Variants in SH3D19 observed in about 807,000 individuals in gnomAD.
SH3D19 encodes SH3 domain-containing protein 19.
A neutral mutation model predicts 112.1 loss-of-function variants in SH3D19; 58 were observed. That is an observed-to-expected ratio of 0.52 (90% CI 0.42 to 0.64). The LOEUF (loss-of-function observed/expected upper bound fraction) is 0.64, where lower values mean the gene tolerates loss of function less well. SH3D19 is among the 30% of genes least tolerant of loss of function. The pLI, the probability that SH3D19 is intolerant of heterozygous loss-of-function variation, is 0.00. For missense variants in SH3D19, 1,090 were observed against 1,263.4 expected, an observed-to-expected ratio of 0.86 and a Z score of 2.08; for synonymous variants, 391 against 448.5, an observed-to-expected ratio of 0.87 and a Z score of 1.62.
intron 7 of SH3D19, among the ~76,000 whole-genome samples, chr4:151,173,578 C>T (rs1416636696): frequency 1.3e-5 from 2 of 152,168 alleles, no homozygotes; most frequent in African/African-American, 4.8e-5. Flanking sequence ...ACTGCAGAAG[C>T]TTAATATATT....
At chr4:151,214,994 G>A (rs1766813034) in intron 2 of SH3D19, among the ~76,000 whole-genome samples, 1 of 147,372 alleles carries the variant, frequency 6.8e-6, no homozygotes, top group Non-Finnish European at 1.5e-5. Context: ...TCCCAGACGG[G>A]GTCGCGACCG....
At chr4:151,130,896 C>T (rs1031264276) in intron 17 of SH3D19, among the ~76,000 whole-genome samples, 34 of 151,312 alleles carry the variant, frequency 2.2e-4, no homozygotes, top group South Asian at 4.2e-4. Context: ...GCCAAGACTG[C>T]GCCACTGCAC....
At chr4:151,274,403 C>T (rs1292061807) in intron 1 of SH3D19, among the ~76,000 whole-genome samples, 2 of 152,226 alleles carry the variant, frequency 1.3e-5, no homozygotes, top group African/African-American at 4.8e-5. Context: ...TTCTCACCTT[C>T]CCATATGAGG....
Position 151,121,961 on chromosome 4 carries a change from A to G in SH3D19, c.*130T>C, listed in dbSNP as rs1748030935. The stretch of plus-strand genomic sequence containing the variant: ...TCTGAACGTTTTCTGCTTTCAGAAA[A>G]TTCTAGTGTACCATGTACAGCTTAG... On this transcript the variant is annotated 3_prime_UTR_variant, in exon 20 of 20. Transcript: ENST00000604030. 1.8e-6 allele frequency: 1 copy of G among 557,640 alleles called. No homozygotes were observed. Among genetic ancestry groups the G allele is most frequent in the African/African-American group, 1.9e-5 (1 of 52,344 alleles). 34.5% of individuals were successfully genotyped at this position (557,640 alleles called of 1,614,324 possible).
At chr4:151,126,886 A>G (rs1428978739) in intron 19 of SH3D19, among the ~76,000 whole-genome samples, 2 of 151,808 alleles carry the variant, frequency 1.3e-5, no homozygotes, top group East Asian at 3.9e-4. Context: ...AAAAAAAAAA[A>G]AAAACCTTTG....
intron 13 of SH3D19, among the ~76,000 whole-genome samples, chr4:151,139,461 C>T (rs1752584089): frequency 6.6e-6 from 1 of 152,196 alleles, no homozygotes; most frequent in African/African-American, 2.4e-5. Flanking sequence ...CTAGTACCCA[C>T]TATTTTGAAA....
rs949339874 is a variant in SH3D19, at chr4:151,224,994, GA to G, written c.152+1052del. Among the ~76,000 whole-genome samples, 5 of 151,798 alleles carry G rather than the reference GA, an allele frequency of 3.3e-5. No homozygotes were observed. In the East Asian group the frequency reaches 7.7e-4, roughly 23 times the overall value. On this transcript the variant is annotated intron_variant, in intron 2 of 19. Transcript: ENST00000604030. ...TTTTAACATATGTAAATTGTACCTG[GA>G]AAAAAAATCAGTCAATATTCTAAAT...
intron 17 of SH3D19, among the ~76,000 whole-genome samples, chr4:151,129,463 G>T (rs568716056): frequency 2.6e-5 from 4 of 152,098 alleles, no homozygotes; most frequent in African/African-American, 9.7e-5. Flanking sequence ...TCTGCCTCCC[G>T]GGTTCAAGCA....
Position 151,133,070 on chromosome 4 carries a change from C to T in SH3D19, c.2653G>A (p.Val885Ile). 6.2e-7 allele frequency: 1 copy of T among 1,614,026 alleles called. No homozygotes were observed. Among genetic ancestry groups the T allele is most frequent in the Non-Finnish European group, 8.5e-7 (1 of 1,179,918 alleles). ...GIFPLNFVEP[V>I]EDYPTSGANV... ...GCACCAGAGGTGGGATAATCCTCAACAGGCTCCACAAAGTTCAGGGGGAAA... is the reference window on the plus strand; with the variant it reads ...GCACCAGAGGTGGGATAATCCTCAATAGGCTCCACAAAGTTCAGGGGGAAA... Residue 885 changes from valine (V) to isoleucine (I), a missense_variant, in exon 16 of 20, where the codon GTT becomes ATT. Coordinates refer to ENST00000604030, the MANE Select transcript of SH3D19 (RefSeq NM_001378122.1).
chr4:151,160,846 C>T (rs1288596062), intron 8 of SH3D19, among the ~76,000 whole-genome samples: 3 of 151,940 alleles, frequency 2.0e-5, no homozygotes, highest in East Asian at 3.8e-4. Context: ...TGATTTAGAG[C>T]GAGGCAAACA....
intron 2 of SH3D19, among the ~76,000 whole-genome samples, chr4:151,219,894 T>C (rs544329922): frequency 6.6e-6 from 1 of 152,260 alleles, no homozygotes; most frequent in Non-Finnish European, 1.5e-5. Flanking sequence ...GATATTCTTA[T>C]ATATTTCTTT....
At chr4:151,204,146 A>G (rs1449389581) in intron 2 of SH3D19, among the ~76,000 whole-genome samples, 1 of 152,224 alleles carries the variant, frequency 6.6e-6, no homozygotes, top group Non-Finnish European at 1.5e-5. Flanking sequence ...AGTAATAGAA[A>G]AAAAACCCTA....
chr4:151,271,181 C>T (rs1773199417), intron 1 of SH3D19, among the ~76,000 whole-genome samples: 1 of 152,098 alleles, frequency 6.6e-6, no homozygotes, highest in Admixed American at 6.6e-5. Context: ...TCACTTTGAC[C>T]CCCCAAAGGC....
At chr4:151,280,063 C>T (rs189480739) in intron 1 of SH3D19, 12 of 1,309,262 alleles carry the variant, frequency 9.2e-6, no homozygotes, top group South Asian at 2.7e-5. Flanking sequence ...ATAGGCAGGG[C>T]GGAAGGAAAC....
Position 151,132,205 on chromosome 4 carries a change from T to C in SH3D19, c.2742+126A>G, listed in dbSNP as rs192117069. 120 of 743,142 alleles carry C rather than the reference T, an allele frequency of 1.6e-4. No individual in the cohort carries two copies. In the African/African-American group the frequency reaches 2.0e-3, roughly 12 times the overall value. 46.0% of individuals were successfully genotyped at this position (743,142 alleles called of 1,614,324 possible). A position where few individuals can be genotyped will look rare whatever the true frequency, so the allele number is the denominator to read the frequency against. On this transcript the variant is annotated intron_variant, in intron 17 of 19. Coordinates refer to ENST00000604030, the MANE Select transcript of SH3D19 (RefSeq NM_001378122.1). ...ATATATTAACCATCTAAGAATTTAT[T>C]ACAAACATTTGTTGTATGAATTGAA...
At chr4:151,164,691 T>G (rs1757694399) in intron 8 of SH3D19, among the ~76,000 whole-genome samples, 2 of 152,018 alleles carry the variant, frequency 1.3e-5, no homozygotes, top group South Asian at 4.2e-4. Flanking sequence ...GTGATTCTCC[T>G]GCCTCAGCCT....
intron 1 of SH3D19, among the ~76,000 whole-genome samples, chr4:151,232,526 A>G (rs1309815748): frequency 6.6e-6 from 1 of 152,210 alleles, no homozygotes; most frequent in East Asian, 1.9e-4. Flanking sequence ...GTTGTAGCAA[A>G]TGATACTGCA....
chr4:151,298,388 G>C (rs1226415642), intron 1 of SH3D19, among the ~76,000 whole-genome samples: 1 of 151,904 alleles, frequency 6.6e-6, no homozygotes, highest in African/African-American at 2.4e-5. Flanking sequence ...ATGTTGGCTA[G>C]GATGGTCTCA....
At chr4:151,203,886 A>C (rs1764732355) in intron 2 of SH3D19, among the ~76,000 whole-genome samples, 1 of 152,182 alleles carries the variant, frequency 6.6e-6, no homozygotes, top group Non-Finnish European at 1.5e-5. Context: ...GCTAATATTA[A>C]ATTGCTGCAA....
Sources: allele counts gnomAD v4.1 joint callset (sites outside exome capture counted in the v4.1 genomes callset), GRCh38; gene constraint gnomAD v4.1.1; transcripts MANE v1.5; gene names NCBI Gene and HGNC (gene_info 2026-07-23, HGNC 2026-07-21).